CNTNAP2: variants seen among roughly 807,000 people sequenced by gnomAD.
The protein encoded by CNTNAP2 is contactin-associated protein-like 2.
Under a neutral mutation model 155.2 loss-of-function variants are expected in CNTNAP2, and 98 were observed. The ratio of observed to expected loss-of-function variants is 0.63; its 90% CI spans 0.54 to 0.75. CNTNAP2 has a LOEUF of 0.75. CNTNAP2 is among the 30% of genes least tolerant of loss of function. The pLI is 0.00. For missense variants in CNTNAP2, 1,727 were observed against 1,688.1 expected (o/e 1.02, Z -0.40); for synonymous variants, 651 against 631.2 (o/e 1.03, Z -0.47).
chr7:146,155,563 C>T (rs1289204845), intron 1 of CNTNAP2, among the ~76,000 whole-genome samples: 1 of 151,744 alleles, frequency 6.6e-6, no homozygotes, highest in Non-Finnish European at 1.5e-5. Flanking sequence ...GCAGAATATA[C>T]ACTTGGAATA....
chr7:148,234,022 T>C (rs538159023), intron 20 of CNTNAP2, among the ~76,000 whole-genome samples: 6 of 152,324 alleles, frequency 3.9e-5, no homozygotes, highest in Non-Finnish European at 7.4e-5. Flanking sequence ...TCCTGAGGTC[T>C]CCCCAGCCAT....
intron 21 of CNTNAP2, among the ~76,000 whole-genome samples, chr7:148,283,800 G>A (rs1173272545): frequency 2.6e-5 from 4 of 152,144 alleles, no homozygotes; most frequent in Non-Finnish European, 5.9e-5. Context: ...CTGTCTTTAG[G>A]CATGACTGAT....
intron 4 of CNTNAP2, among the ~76,000 whole-genome samples, chr7:147,053,194 G>A (rs1188670192): frequency 2.0e-5 from 3 of 152,182 alleles, no homozygotes; most frequent in South Asian, 2.1e-4. Context: ...GGTTGGCTAA[G>A]GTAGATAGCT....
intron 9 of CNTNAP2, among the ~76,000 whole-genome samples, chr7:147,322,211 C>T (rs1437430090): frequency 1.3e-5 from 2 of 152,170 alleles, no homozygotes; most frequent in Non-Finnish European, 2.9e-5. Context: ...TGTATCACCT[C>T]ATTGGCTGGA....
intron 20 of CNTNAP2, among the ~76,000 whole-genome samples, chr7:148,232,863 T>C (rs1280782957): frequency 1.3e-5 from 2 of 152,206 alleles, no homozygotes; most frequent in African/African-American, 2.4e-5. Context: ...CTGCATTCCC[T>C]CAGCACACAC....
At chr7:147,089,004 G>C (rs530465360) in intron 4 of CNTNAP2, among the ~76,000 whole-genome samples, 1 of 146,646 alleles carries the variant, frequency 6.8e-6, no homozygotes, top group East Asian at 1.9e-4. Context: ...GAGAGATAGA[G>C]AGAGAAAGAG....
chr7:147,485,879 A>G, intron 10 of CNTNAP2, 56 bp from the exon 11 acceptor site: 1 of 1,561,932 alleles, frequency 6.4e-7, no homozygotes, highest in Non-Finnish European at 8.8e-7. Flanking sequence ...GAATTTGGCC[A>G]CTCATAAATC....
intron 1 of CNTNAP2, among the ~76,000 whole-genome samples, chr7:146,618,371 G>C (rs985867907): frequency 2.0e-4 from 31 of 151,984 alleles, no homozygotes; most frequent in Non-Finnish European, 2.6e-4. Flanking sequence ...TACATTTTAG[G>C]GTATTATTTC....
At chr7:146,457,479 T>G (rs1313967270) in intron 1 of CNTNAP2, among the ~76,000 whole-genome samples, 9 of 84,594 alleles carry the variant, frequency 1.1e-4, no homozygotes, top group Non-Finnish European at 2.0e-4. Flanking sequence ...GCTTCAAAAA[T>G]GAATATATAT....
intron 20 of CNTNAP2, among the ~76,000 whole-genome samples, chr7:148,235,273 A>G (rs1796024033): frequency 6.6e-6 from 1 of 152,226 alleles, no homozygotes; most frequent in Admixed American, 6.5e-5. Context: ...TATAAATCTT[A>G]AGAACTGTCA....
intron 17 of CNTNAP2, among the ~76,000 whole-genome samples, chr7:148,150,872 C>T (rs905892591): frequency 2.6e-5 from 4 of 151,858 alleles, no homozygotes; most frequent in Non-Finnish European, 5.9e-5. Context: ...GTCCCCAAGT[C>T]GCTGGGACTA....
Position 146,827,419 on chromosome 7 carries a change from C to G in CNTNAP2, c.209-12292C>G, listed in dbSNP as rs137928081. Among the ~76,000 whole-genome samples, 308 of 151,888 alleles carry G rather than the reference C, an allele frequency of 2.0e-3. 2 individuals carry two copies. Among genetic ancestry groups the G allele is most frequent in the African/African-American group, 5.6e-3 (233 of 41,450 alleles). On this transcript the variant is annotated intron_variant, in intron 2 of 23. Coordinates refer to ENST00000361727, the MANE Select transcript of CNTNAP2 (RefSeq NM_014141.6). ...ACTATTGTATGTTTGAGCTTTGAAG[C>G]ATTTTGTAGTCTATATACTTACTTT... is the stretch of plus-strand genomic sequence containing the variant.
chr7:147,200,661 C>A (rs1802904137), intron 8 of CNTNAP2, among the ~76,000 whole-genome samples: 1 of 152,100 alleles, frequency 6.6e-6, no homozygotes, highest in Admixed American at 6.6e-5. Flanking sequence ...ATGTCCAGAA[C>A]AAAAGATGAT....
At chr7:146,121,587 GCTTTA>G (rs1030051431) in intron 1 of CNTNAP2, among the ~76,000 whole-genome samples, 5 of 152,016 alleles carry the variant, frequency 3.3e-5, no homozygotes, top group African/African-American at 1.2e-4. Flanking sequence ...TTTGTGAAGT[GCTTTA>G]CTTTATCATT....
chr7:148,150,373 C>T (rs991952214), intron 17 of CNTNAP2, among the ~76,000 whole-genome samples: 1 of 151,962 alleles, frequency 6.6e-6, no homozygotes, highest in Non-Finnish European at 1.5e-5. Flanking sequence ...ACGGTGAAAC[C>T]CCATCTCTAC....
intron 2 of CNTNAP2, among the ~76,000 whole-genome samples, chr7:146,787,770 G>A (rs977580947): frequency 2.6e-5 from 4 of 152,176 alleles, no homozygotes; most frequent in Admixed American, 2.0e-4. Context: ...CGATTGGTCC[G>A]TTTTGACAGA....
chr7:148,405,195 C>T (rs1320097313), intron 22 of CNTNAP2, among the ~76,000 whole-genome samples: 1 of 152,096 alleles, frequency 6.6e-6, no homozygotes, highest in Non-Finnish European at 1.5e-5. Context: ...GGAAAAGTGA[C>T]CCCAGGAAGG....
chr7:146,163,551 C>CTATATATATCTATA (rs1562973300), intron 1 of CNTNAP2, among the ~76,000 whole-genome samples: 1 of 137,906 alleles, frequency 7.3e-6, no homozygotes, highest in Non-Finnish European at 1.5e-5. Context: ...ATCTATATAT[C>CTATATATATCTATA]TATATCTATA....
intron 13 of CNTNAP2, among the ~76,000 whole-genome samples, chr7:147,758,384 G>A (rs1445106372): frequency 1.3e-5 from 2 of 152,158 alleles, no homozygotes; most frequent in Non-Finnish European, 2.9e-5. Context: ...GGCAATGAGA[G>A]GACATTCCTA....
Sources: allele counts gnomAD v4.1 joint callset (sites outside exome capture counted in the v4.1 genomes callset), GRCh38; gene constraint gnomAD v4.1.1; transcripts MANE v1.5; gene names NCBI Gene and HGNC (gene_info 2026-07-23, HGNC 2026-07-21).